Variants in STX8 observed in about 807,000 individuals in gnomAD.
STX8 encodes syntaxin-8.
In STX8, 23 loss-of-function variants were observed where a neutral mutation model predicts 37.5. That is an observed-to-expected ratio of 0.61 (90% CI 0.44 to 0.87). The LOEUF (loss-of-function observed/expected upper bound fraction) is 0.87. Ranked by LOEUF, STX8 falls within the 40% of genes least tolerant of loss-of-function variation. The probability of loss-of-function intolerance (pLI) is 0.00; values close to 1 mark genes in which losing one functional copy is unlikely to be tolerated. For missense variants in STX8, 313 were observed against 284.7 expected, an observed-to-expected ratio of 1.10 and a Z score of -0.71; for synonymous variants, 115 against 99.1, an observed-to-expected ratio of 1.16 and a Z score of -0.95.
At chr17:9,351,350 G>T (rs1157653500) in intron 7 of STX8, among the ~76,000 whole-genome samples, 1 of 151,636 alleles carries the variant, frequency 6.6e-6, no homozygotes, top group African/African-American at 2.4e-5. Context: ...GTAGAGACAG[G>T]GTTTCACTAT....
In STX8 at chr17:9,575,779, A is replaced by T. The variant is rs1235482697; in HGVS notation, c.17+13T>A. ...GGTCCCTCCACGCACCGCCGCCCTC[A>T]CCCGGGACTCACCAGGGGTCCGGTG... On this transcript the variant is annotated intron_variant, in intron 1 of 7. Coordinates refer to ENST00000306357, the MANE Select transcript of STX8 (RefSeq NM_004853.3). The T allele has an allele frequency of 6.5e-7, 1 of 1,545,360 alleles. No individual in the cohort carries two copies. The highest frequency in any genetic ancestry group is 8.7e-7 in the Non-Finnish European group (1 of 1,146,132).
chr17:9,401,983 T>C (rs907524554), intron 6 of STX8, among the ~76,000 whole-genome samples: 1 of 152,196 alleles, frequency 6.6e-6, no homozygotes, highest in Non-Finnish European at 1.5e-5. Flanking sequence ...GGAAGAGCTC[T>C]GTACCAGCAA....
At chr17:9,298,210 C>G (rs559059317) in intron 7 of STX8, among the ~76,000 whole-genome samples, 1 of 152,232 alleles carries the variant, frequency 6.6e-6, no homozygotes, top group South Asian at 2.1e-4. Context: ...GTCCTTTCCT[C>G]TTGAGCAGAA....
intron 4 of STX8, among the ~76,000 whole-genome samples, chr17:9,506,836 C>T (rs1018443329): frequency 6.6e-6 from 1 of 152,064 alleles, no homozygotes; most frequent in South Asian, 2.1e-4. Flanking sequence ...TACAGCATGG[C>T]GCCATCTTTA....
In STX8 at chr17:9,296,670, G is replaced by A. The variant is rs1048892587; in HGVS notation, c.644-46025C>T. On this transcript the variant is annotated intron_variant, in intron 7 of 7. Transcript: ENST00000306357. ...CAAACCAAGGGCATTTCTAGATAGC[G>A]AAGACATGACAAAATGAAGGATTAG... Among the ~76,000 whole-genome samples, 9 of 150,708 alleles carry A rather than the reference G, an allele frequency of 6.0e-5. No individual in the cohort carries two copies. The South Asian group carries it at 1.3e-3, about 21-fold the overall frequency.
chr17:9,428,179 G>A (rs771243888), intron 6 of STX8, among the ~76,000 whole-genome samples: 3 of 152,164 alleles, frequency 2.0e-5, no homozygotes, highest in African/African-American at 7.2e-5. Context: ...AAATTCTCTT[G>A]ACATCCATGA....
At chr17:9,559,738 A>ATG (rs1416809373) in intron 2 of STX8, among the ~76,000 whole-genome samples, 24 of 23,684 alleles carry the variant, frequency 1.0e-3, no homozygotes, top group Non-Finnish European at 1.0e-3. Context: ...ATTATTTTAT[A>ATG]TATATATATA....
intron 7 of STX8, among the ~76,000 whole-genome samples, chr17:9,360,437 T>C (rs1212807295): frequency 6.6e-6 from 1 of 151,810 alleles, no homozygotes; most frequent in African/African-American, 2.4e-5. Context: ...GGTTTCACCA[T>C]GTTGGCCAGG....
At position 9,311,356 on chromosome 17, in the gene STX8, A is replaced by T. The variant is rs540583884; in HGVS notation, c.644-60711T>A. On this transcript the variant is annotated intron_variant, in intron 7 of 7. Coordinates refer to ENST00000306357, the MANE Select transcript of STX8 (RefSeq NM_004853.3). The stretch of plus-strand genomic sequence containing the variant: ...GGAATGATATGTATTTCACAACAGA[A>T]TTGAGATTCAAATGAGAATGCACAG... 3.3e-5 allele frequency among the ~76,000 whole-genome samples: 5 copies of T among 152,280 alleles called. No individual in the cohort carries two copies. In the South Asian group the frequency reaches 8.3e-4, roughly 25 times the overall value.
intron 7 of STX8, among the ~76,000 whole-genome samples, chr17:9,375,591 C>T (rs1034360735): frequency 2.6e-5 from 4 of 152,070 alleles, no homozygotes; most frequent in Admixed American, 6.6e-5. Context: ...CATATAGTAA[C>T]GAGAGCTAAT....
At chr17:9,362,654 T>C (rs1911096302) in intron 7 of STX8, among the ~76,000 whole-genome samples, 1 of 151,850 alleles carries the variant, frequency 6.6e-6, no homozygotes, top group Admixed American at 6.6e-5. Context: ...CCGTCTCTAC[T>C]AAACAAAACA....
rs3060137 is a variant in STX8 at position 9,300,331 on chromosome 17, C to CAAAAA, written c.644-49691_644-49687dup. Among the ~76,000 whole-genome samples, 5 of 69,210 alleles carry CAAAAA rather than the reference C, an allele frequency of 7.2e-5. No individual in the cohort carries two copies. In the East Asian group the frequency reaches 1.3e-3, roughly 18 times the overall value. 45.4% of individuals were successfully genotyped at this position (69,210 alleles called of 152,430 possible). A position where few individuals can be genotyped will look rare whatever the true frequency, so the allele number is the denominator to read the frequency against. On this transcript the variant is annotated intron_variant, in intron 7 of 7. Transcript: ENST00000306357. The stretch of plus-strand genomic sequence containing the variant: ...GGGCAACAAGAGCGAAACTCCATCT[C>CAAAAA]AAAAAAAAAAAAAAAAAGAAAGAAA...
intron 7 of STX8, among the ~76,000 whole-genome samples, chr17:9,347,144 AT>A (rs1325113953): frequency 6.6e-6 from 1 of 151,584 alleles, no homozygotes. Context: ...AAATAAAAAA[AT>A]AAAAAAAAAA....
intron 7 of STX8, among the ~76,000 whole-genome samples, chr17:9,279,150 CG>C (rs1382123150): frequency 6.6e-6 from 1 of 151,718 alleles, no homozygotes; most frequent in Admixed American, 6.6e-5. Flanking sequence ...TGCAACCTCC[CG>C]GGTTCAAGCA....
chr17:9,401,926 C>T (rs921713674), intron 6 of STX8, among the ~76,000 whole-genome samples: 1 of 152,078 alleles, frequency 6.6e-6, no homozygotes, highest in Non-Finnish European at 1.5e-5. Flanking sequence ...ACACTTCAGA[C>T]ATATTTTTTT....
chr17:9,453,417 T>G (rs1905101644), intron 6 of STX8, among the ~76,000 whole-genome samples: 2 of 151,956 alleles, frequency 1.3e-5, no homozygotes, highest in African/African-American at 4.8e-5. Flanking sequence ...TATTCAGATC[T>G]GAATTAGACA....
At chr17:9,469,118 C>T (rs1043151032) in intron 6 of STX8, 2 of 152,134 alleles carry the variant, frequency 1.3e-5, no homozygotes, top group African/African-American at 2.4e-5. Flanking sequence ...GGTTAAAGCT[C>T]AACCTAGGAG....
At chr17:9,331,881 AG>A (rs1217516781) in intron 7 of STX8, among the ~76,000 whole-genome samples, 2 of 152,200 alleles carry the variant, frequency 1.3e-5, no homozygotes, top group Non-Finnish European at 2.9e-5. Flanking sequence ...GTGTATGGAA[AG>A]GAAAAAAAAA....
chr17:9,254,840 C>G (rs768456109), intron 7 of STX8, among the ~76,000 whole-genome samples: 1 of 152,056 alleles, frequency 6.6e-6, no homozygotes, highest in Non-Finnish European at 1.5e-5. Flanking sequence ...CACACACACG[C>G]GCACGTGTGT....
Sources: gnomAD v4.1 joint callset for allele counts (sites outside exome capture counted in the v4.1 genomes callset) on GRCh38, gnomAD v4.1.1 for gene constraint, MANE v1.5 for transcripts, NCBI Gene and HGNC (gene_info 2026-07-23, HGNC 2026-07-21) for gene names.